Variants in CD72 observed in about 807,000 individuals in gnomAD.
The protein encoded by CD72 is B-cell differentiation antigen CD72.
In CD72, 28 loss-of-function variants were observed where a neutral mutation model predicts 50.7. The observed-to-expected ratio is 0.55, with a 90% confidence interval of 0.41 to 0.76. CD72 has a LOEUF of 0.76. Ranked by LOEUF, CD72 falls within the 30% of genes least tolerant of loss-of-function variation. The probability of loss-of-function intolerance (pLI) is 0.00; values close to 1 mark genes in which losing one functional copy is unlikely to be tolerated. For synonymous variants in CD72, 176 were observed against 171.2 expected, an observed-to-expected ratio of 1.03 and a Z score of -0.22; for missense variants, 403 against 420.6, an observed-to-expected ratio of 0.96 and a Z score of 0.37.
At chr9:35,642,960 A>C (rs1823352775) in intron 1 of CD72, 1 of 152,228 alleles carries the variant, frequency 6.6e-6, no homozygotes, top group South Asian at 2.1e-4. Context: ...GTGTACAATA[A>C]TAGAGAAGAG....
At chr9:35,620,966 C>G (rs935239825), upstream of CD72, among the ~76,000 whole-genome samples, 10 of 152,216 alleles carry the variant, frequency 6.6e-5, no homozygotes, top group African/African-American at 2.2e-4. Flanking sequence ...AGGCCGCATT[C>G]GCTTCTGTCT....
chr9:35,624,903 T>C (rs186429149), intron 1 of CD72, among the ~76,000 whole-genome samples: 7 of 152,340 alleles, frequency 4.6e-5, no homozygotes, highest in African/African-American at 1.7e-4. Context: ...CTATAAGACA[T>C]TGAACTTAAT....
At position 35,609,999 on chromosome 9, in the gene CD72, A is replaced by G; in HGVS notation, c.*324T>C. ...ACGTGCAATTATTTAAAAAGATTTC[A>G]ATAAAACTGCCTGGCTGGCTCCGGG... On this transcript the variant is annotated 3_prime_UTR_variant, in exon 9 of 9. Coordinates refer to ENST00000259633, the MANE Select transcript of CD72 (RefSeq NM_001782.3). The surrounding 1 kb of genome is among the most constrained non-coding windows in gnomAD (Gnocchi z 6.7). The G allele has an allele frequency of 2.2e-6, 1 of 445,120 alleles. No homozygotes were observed. The highest frequency in any genetic ancestry group is 3.7e-5 in the East Asian group (1 of 26,970). The allele number at this position is 445,120 out of a possible 1,614,324, so 27.6% of individuals were successfully genotyped here.
Position 35,610,031 on chromosome 9 carries a change from CT to C in CD72, c.*291del. On this transcript the variant is annotated 3_prime_UTR_variant, in exon 9 of 9. Coordinates refer to ENST00000259633, the MANE Select transcript of CD72 (RefSeq NM_001782.3). ...CTGCCTGGCTGGCTCCGGGCCGCCC[CT>C]ATCCGCTCAGCCCGTGCGCCCTCCT... 2.6e-6 allele frequency: 1 copy of C among 384,156 alleles called. No individual in the cohort carries two copies. Among genetic ancestry groups the C allele is most frequent in the Non-Finnish European group, 4.7e-6 (1 of 214,368 alleles). 23.8% of individuals were successfully genotyped at this position (384,156 alleles called of 1,614,324 possible).
chr9:35,639,571 A>G (rs1823320739), intron 1 of CD72, among the ~76,000 whole-genome samples: 1 of 152,258 alleles, frequency 6.6e-6, no homozygotes, highest in Non-Finnish European at 1.5e-5. Context: ...ATAAAGGAAA[A>G]GGCCAATTTT....
In CD72 at chr9:35,618,112, G is replaced by A. The variant is rs1172945021; in HGVS notation, c.92C>T (p.Ala31Val). The change falls in exon 2 of 9, where the codon GCT becomes GTT. Residue 31 changes from alanine to valine, a missense_variant. Coordinates refer to ENST00000259633, the MANE Select transcript of CD72 (RefSeq NM_001782.3). ...GTAGGTGATTTCCCCATCATCATCA[G>A]CCCCTGGGTCTAGAGAGAAGAGAAA... Reference protein sequence around the residue: ...ISSRLGQDPGADDDGEITYEN... With the variant: ...ISSRLGQDPGVDDDGEITYEN... The A allele has an allele frequency of 6.2e-7, 1 of 1,613,386 alleles. No homozygotes were observed. The highest frequency in any genetic ancestry group is 1.1e-5 in the South Asian group (1 of 91,028).
At chr9:35,614,210 C>T (rs1823035528) in intron 5 of CD72, among the ~76,000 whole-genome samples, 1 of 152,120 alleles carries the variant, frequency 6.6e-6, no homozygotes, top group South Asian at 2.1e-4. Context: ...AGTGCCTGGG[C>T]ACAGTGCTAG....
upstream of CD72, among the ~76,000 whole-genome samples, chr9:35,624,405 A>C (rs2131776808): frequency 6.6e-6 from 1 of 152,224 alleles, no homozygotes; most frequent in East Asian, 1.9e-4. Context: ...AAATATGGAG[A>C]TGACCACTGA....
chr9:35,610,618 A>T lies in CD72; in HGVS notation c.*6T>A. On this transcript the variant is annotated 3_prime_UTR_variant, in exon 8 of 9. Coordinates refer to ENST00000259633, the MANE Select transcript of CD72 (RefSeq NM_001782.3). Reference sequence around the variant, plus strand: ...CACTCTTACCAACTCAGTGCAAAGGACTGTCCTAATCTGGAAACCTGAAAG... The same window carrying T: ...CACTCTTACCAACTCAGTGCAAAGGTCTGTCCTAATCTGGAAACCTGAAAG... 10 of 1,613,448 alleles carry T rather than the reference A, an allele frequency of 6.2e-6. No individual in the cohort carries two copies. The highest frequency in any genetic ancestry group is 8.5e-6 in the Non-Finnish European group (10 of 1,179,582).
chr9:35,619,878 C>G (rs976045561), upstream of CD72, among the ~76,000 whole-genome samples: 1 of 152,148 alleles, frequency 6.6e-6, no homozygotes, highest in Non-Finnish European at 1.5e-5. Flanking sequence ...ACAAGTATTT[C>G]CTTTTTGAAG....
intron 6 of CD72, among the ~76,000 whole-genome samples, chr9:35,612,360 G>A (rs1040711404): frequency 2.0e-5 from 3 of 152,152 alleles, no homozygotes. Context: ...TGAAGCAGGT[G>A]GATCACCTGA....
chr9:35,619,572 G>C (rs1284993128), upstream of CD72: 4 of 152,404 alleles, frequency 2.6e-5, no homozygotes, highest in East Asian at 7.7e-4. Context: ...GGACCCTAGA[G>C]CTCTGCCAAT....
upstream of CD72, among the ~76,000 whole-genome samples, chr9:35,624,406 T>C (rs1338638040): frequency 6.6e-6 from 1 of 152,066 alleles, no homozygotes; most frequent in Non-Finnish European, 1.5e-5. Context: ...AATATGGAGA[T>C]GACCACTGAG....
chr9:35,627,471 C>T (rs896035752), intron 1 of CD72, among the ~76,000 whole-genome samples: 1 of 152,104 alleles, frequency 6.6e-6, no homozygotes, highest in African/African-American at 2.4e-5. Context: ...AAAAAAAATC[C>T]TGTGATCGTT....
chr9:35,624,211 CAAAAAT>C (rs1358020522), upstream of CD72, among the ~76,000 whole-genome samples: 8 of 104,984 alleles, frequency 7.6e-5, no homozygotes, highest in South Asian at 2.4e-3. Context: ...GACTCTGTCT[CAAAAAT>C]AATAATAATA....
chr9:35,618,959 C>A, upstream of CD72: 1 of 334,860 alleles, frequency 3.0e-6, no homozygotes, highest in Non-Finnish European at 5.9e-6. Flanking sequence ...TCATGGGGAG[C>A]CAGGGAGCAG....
At chr9:35,641,095 C>G (rs1823335989) in intron 1 of CD72, among the ~76,000 whole-genome samples, 1 of 152,092 alleles carries the variant, frequency 6.6e-6, no homozygotes, top group Non-Finnish European at 1.5e-5. Context: ...CAGGAAAACC[C>G]AAGTGCTGTT....
At chr9:35,642,514 T>G (rs1490690272) in intron 1 of CD72, 4 of 152,352 alleles carry the variant, frequency 2.6e-5, no homozygotes, top group Admixed American at 2.6e-4. Flanking sequence ...ATTTCCTTAC[T>G]CAGGTATGCC....
At chr9:35,635,865 G>A (rs1261720391) in intron 1 of CD72, among the ~76,000 whole-genome samples, 1 of 152,180 alleles carries the variant, frequency 6.6e-6, no homozygotes, top group African/African-American at 2.4e-5. Flanking sequence ...TATAGCTGGA[G>A]TTGTCAGAGG....
Sources: allele counts gnomAD v4.1 joint callset (sites outside exome capture counted in the v4.1 genomes callset), GRCh38; gene constraint gnomAD v4.1.1; non-coding constraint Gnocchi (gnomAD v3.1); transcripts MANE v1.5; gene names NCBI Gene and HGNC (gene_info 2026-07-23, HGNC 2026-07-21).